SLC25A21: variants seen among roughly 807,000 people sequenced by gnomAD.
SLC25A21 encodes the protein mitochondrial 2-oxodicarboxylate carrier.
In SLC25A21, 47 loss-of-function variants were observed where a neutral mutation model predicts 43.8. The ratio of observed to expected loss-of-function variants is 1.07; its 90% confidence interval spans 0.85 to 1.37. The LOEUF is 1.37. Among genes scored for constraint, SLC25A21 ranks in the 40% most tolerant of loss-of-function variants. The probability of loss-of-function intolerance (pLI) is 0.00; values close to 1 mark genes in which losing one functional copy is unlikely to be tolerated. For synonymous variants in SLC25A21, 131 were observed against 121.3 expected, an observed-to-expected ratio of 1.08 and a Z score of -0.52; for missense variants, 352 against 350.2, an observed-to-expected ratio of 1.00 and a Z score of -0.04.
intron 1 of SLC25A21, among the ~76,000 whole-genome samples, chr14:36,959,012 C>A (rs534280705): frequency 7.9e-5 from 12 of 152,292 alleles, no homozygotes; most frequent in African/African-American, 2.9e-4. Context: ...CCACCCTATT[C>A]AAGCATGGAA....
intron 6 of SLC25A21, among the ~76,000 whole-genome samples, chr14:36,724,701 A>G (rs927484951): frequency 2.5e-4 from 38 of 152,198 alleles, no homozygotes; most frequent in African/African-American, 8.4e-4. Flanking sequence ...TGTCTGCACA[A>G]TACGTCATGT....
intron 3 of SLC25A21, among the ~76,000 whole-genome samples, chr14:36,802,656 A>G (rs1404969721): frequency 1.3e-5 from 2 of 152,284 alleles, no homozygotes; most frequent in African/African-American, 2.4e-5. Context: ...AAGAGAACAG[A>G]AGGAGGAAAT....
chr14:36,837,060 C>T (rs1889233251), intron 2 of SLC25A21, among the ~76,000 whole-genome samples: 1 of 152,036 alleles, frequency 6.6e-6, no homozygotes, highest in Non-Finnish European at 1.5e-5. Context: ...AAAATGGTGT[C>T]ATATGTCCCC....
chr14:37,167,704 G>A (rs1190620584), intron 1 of SLC25A21, among the ~76,000 whole-genome samples: 1 of 152,094 alleles, frequency 6.6e-6, no homozygotes, highest in East Asian at 1.9e-4. Context: ...CTATTGTGAA[G>A]CCTAAGATCA....
chr14:37,008,999 T>G (rs1201197710), intron 1 of SLC25A21, among the ~76,000 whole-genome samples: 1 of 152,124 alleles, frequency 6.6e-6, no homozygotes, highest in Non-Finnish European at 1.5e-5. Context: ...ATAAATTATT[T>G]GAGAGGAATC....
intron 1 of SLC25A21, among the ~76,000 whole-genome samples, chr14:37,075,998 G>A (rs959336146): frequency 6.6e-6 from 1 of 152,220 alleles, no homozygotes; most frequent in Non-Finnish European, 1.5e-5. Context: ...ATGGGCACCT[G>A]CCCTGGAGCC....
chr14:36,847,262 G>A (rs779601480), intron 2 of SLC25A21, among the ~76,000 whole-genome samples: 1 of 152,186 alleles, frequency 6.6e-6, no homozygotes, highest in African/African-American at 2.4e-5. Flanking sequence ...GTAAACAGAT[G>A]TTTAGAATTA....
intron 1 of SLC25A21, among the ~76,000 whole-genome samples, chr14:36,886,610 C>G (rs923457112): frequency 6.6e-6 from 1 of 151,980 alleles, no homozygotes. Context: ...CTAGAAATCA[C>G]GGTAAATGGA....
At chr14:37,055,494 G>A (rs1183422547) in intron 1 of SLC25A21, among the ~76,000 whole-genome samples, 1 of 152,170 alleles carries the variant, frequency 6.6e-6, no homozygotes, top group Non-Finnish European at 1.5e-5. Flanking sequence ...GAAAGCAGCA[G>A]AAGAGACACC....
intron 1 of SLC25A21, among the ~76,000 whole-genome samples, chr14:36,940,366 T>C (rs1341741070): frequency 1.3e-5 from 2 of 152,014 alleles, no homozygotes; most frequent in African/African-American, 2.4e-5. Flanking sequence ...CTACTCTGAA[T>C]GTAGGTTGGT....
intron 1 of SLC25A21, among the ~76,000 whole-genome samples, chr14:37,041,353 G>A (rs1961467522): frequency 6.6e-6 from 1 of 152,104 alleles, no homozygotes; most frequent in South Asian, 2.1e-4. Flanking sequence ...TGACCCATGT[G>A]CATTATCAAA....
At chr14:36,961,692 C>T (rs1959496601) in intron 1 of SLC25A21, among the ~76,000 whole-genome samples, 1 of 152,096 alleles carries the variant, frequency 6.6e-6, no homozygotes, top group Non-Finnish European at 1.5e-5. Context: ...AGGCTATGGT[C>T]TATGCTGGGG....
intron 1 of SLC25A21, among the ~76,000 whole-genome samples, chr14:37,076,677 G>A (rs1459604268): frequency 2.6e-5 from 4 of 151,594 alleles, no homozygotes; most frequent in African/African-American, 7.3e-5. Context: ...TAGTAGAGAC[G>A]GGGTTTCACC....
chr14:37,098,742 TAGATAGACAGACAGACAGACAGACAGAC>T lies in SLC25A21; in HGVS notation c.70+73511_70+73538del, dbSNP rs1161274201. On this transcript the variant is annotated intron_variant, in intron 1 of 9. Coordinates refer to ENST00000331299, the MANE Select transcript of SLC25A21 (RefSeq NM_030631.4). ...ATAGATAGATAGATAGATAGATAGATAGATAGACAGACAGACAGACAGACAGACAGACAGACAGACAGACAGATAGATA... is the reference window on the plus strand; with the variant it reads ...ATAGATAGATAGATAGATAGATAGATAGACAGACAGACAGACAGATAGATA... Among the ~76,000 whole-genome samples the T allele has an allele frequency of 7.0e-4, 6 of 8,620 alleles. No homozygotes were observed. In the East Asian group the frequency reaches 0.038, roughly 54 times the overall value. 5.7% of individuals were successfully genotyped at this position (8,620 alleles called of 152,430 possible).
At chr14:36,761,653 A>G (rs1218563194) in intron 3 of SLC25A21, among the ~76,000 whole-genome samples, 1 of 152,232 alleles carries the variant, frequency 6.6e-6, no homozygotes, top group Non-Finnish European at 1.5e-5. Context: ...ATCTTAGGAT[A>G]TATTTGCATA....
chr14:36,730,438 T>C (rs978955021), intron 4 of SLC25A21, among the ~76,000 whole-genome samples: 5 of 152,152 alleles, frequency 3.3e-5, no homozygotes, highest in Admixed American at 2.0e-4. Flanking sequence ...AGAGTCTGAT[T>C]CTCGAGACCC....
chr14:37,134,660 A>AAAAG (rs1555349224), intron 1 of SLC25A21, among the ~76,000 whole-genome samples: 2 of 151,398 alleles, frequency 1.3e-5, no homozygotes, highest in African/African-American at 4.8e-5. Context: ...AAAAAAAAAA[A>AAAAG]AAAGAAAGAA....
intron 1 of SLC25A21, among the ~76,000 whole-genome samples, chr14:37,085,168 T>A (rs1566869964): frequency 6.6e-6 from 1 of 152,144 alleles, no homozygotes; most frequent in Non-Finnish European, 1.5e-5. Context: ...TTATTTAGAT[T>A]TTTGCTCAAA....
chr14:37,036,912 G>A (rs1295185985), intron 1 of SLC25A21, among the ~76,000 whole-genome samples: 2 of 152,194 alleles, frequency 1.3e-5, no homozygotes, highest in Non-Finnish European at 2.9e-5. Flanking sequence ...TGAGTGTTTA[G>A]TTTCTGAAGC....
Sources: allele counts gnomAD v4.1 joint callset (sites outside exome capture counted in the v4.1 genomes callset), GRCh38; gene constraint gnomAD v4.1.1; transcripts MANE v1.5; gene names NCBI Gene and HGNC (gene_info 2026-07-23, HGNC 2026-07-21).